Variants in RNF19A observed in about 807,000 individuals in gnomAD.
RNF19A encodes the protein ring finger protein 19A, RBR E3 ubiquitin protein ligase.
A neutral mutation model predicts 75.7 loss-of-function variants in RNF19A; 32 were observed. That is an observed-to-expected ratio of 0.42 (90% CI 0.32 to 0.57). The LOEUF is 0.57. RNF19A is among the 20% of genes least tolerant of loss of function. The probability of loss-of-function intolerance (pLI) is 0.10; values close to 1 mark genes in which losing one functional copy is unlikely to be tolerated. For synonymous variants in RNF19A, 335 were observed against 345.2 expected (o/e 0.97, Z 0.33); for missense variants, 782 against 1,036.3 (o/e 0.75, Z 3.37).
At position 100,269,011 on chromosome 8, in the gene RNF19A, T is replaced by G; in HGVS notation, c.1029-64A>C. On this transcript the variant is annotated intron_variant, in intron 4 of 9. Transcript: ENST00000341084. The surrounding 1 kb of genome is among the most constrained non-coding windows in gnomAD (Gnocchi z 5.7). ...ACACCACAATAACAAATTAGTGCAC[T>G]ATATTAAAACAATGACTATTTTTAA... The G allele has an allele frequency of 7.9e-7, 1 of 1,264,998 alleles. No individual in the cohort carries two copies. Among genetic ancestry groups the G allele is most frequent in the Non-Finnish European group, 1.1e-6 (1 of 922,034 alleles). The allele number at this position is 1,264,998 out of a possible 1,614,324, so 78.4% of individuals were successfully genotyped here. A position where few individuals can be genotyped will look rare whatever the true frequency, so the allele number is the denominator to read the frequency against.
At position 100,259,707 on chromosome 8, in the gene RNF19A, A is replaced by T. The variant is rs913456863; in HGVS notation, c.1826+147T>A. On this transcript the variant is annotated intron_variant, in intron 9 of 9. Transcript: ENST00000341084. The surrounding 1 kb of genome is among the most constrained non-coding windows in gnomAD (Gnocchi z 4.5). ...CAAATCCACTTTATGATCTATACAG[A>T]TTTGCCTACTCTGGACAGCTCACTG... The T allele has an allele frequency of 1.5e-5, 10 of 685,212 alleles. No homozygotes were observed. The highest frequency in any genetic ancestry group is 9.0e-5 in the Admixed American group (3 of 33,346). The allele number at this position is 685,212 out of a possible 1,614,324, so 42.4% of individuals were successfully genotyped here.
Position 100,287,928 on chromosome 8 carries a change from C to A in RNF19A, c.247G>T (p.Glu83Ter). ...RKKDNKRKSR[E>*]LNGGVDGIAS... is the part of the protein sequence containing the mutation. ...ATTCCATCCACCCCGCCATTTAGCT[C>A]CCTTGATTTACGTTTGTTATCTTTT... Residue 83 changes from glutamate (E) to a stop codon, truncating the protein, a stop_gained, in exon 2 of 10, where the codon GAG becomes TAG. Coordinates refer to ENST00000341084, the MANE Select transcript of RNF19A (RefSeq NM_183419.4). LOFTEE classifies it high-confidence loss of function. The surrounding 1 kb of genome is among the most constrained non-coding windows in gnomAD (Gnocchi z 4.1). 2 of 1,614,150 alleles carry A rather than the reference C, an allele frequency of 1.2e-6. No individual in the cohort carries two copies. The highest frequency in any genetic ancestry group is 1.7e-6 in the Non-Finnish European group (2 of 1,180,030).
chr8:100,261,519 C>G lies in RNF19A; in HGVS notation c.1682+23G>C. 2 of 1,605,088 alleles carry G rather than the reference C, an allele frequency of 1.2e-6. No individual in the cohort carries two copies. Among genetic ancestry groups the G allele is most frequent in the South Asian group, 1.1e-5 (1 of 90,884 alleles). On this transcript the variant is annotated intron_variant, in intron 8 of 9. Transcript: ENST00000341084. The surrounding 1 kb of genome is among the most constrained non-coding windows in gnomAD (Gnocchi z 4.4). ...AATTTGTAGTTACCAGAAAGCAGAA[C>G]CAAACCAAACCAAAACACACACCTG...
intron 2 of RNF19A, among the ~76,000 whole-genome samples, chr8:100,281,435 T>G (rs573602048): frequency 6.6e-6 from 1 of 152,328 alleles, no homozygotes; most frequent in African/African-American, 2.4e-5. Context: ...ATTTATAATA[T>G]CTCCTGGGAG....
At chr8:100,299,397 T>C (rs1461410573) in intron 1 of RNF19A, among the ~76,000 whole-genome samples, 2 of 152,240 alleles carry the variant, frequency 1.3e-5, no homozygotes, top group Non-Finnish European at 2.9e-5. Flanking sequence ...TCTTAGTAAA[T>C]TCAGTGTCAA....
At chr8:100,328,288 C>T (rs749713857) in intron 1 of RNF19A, among the ~76,000 whole-genome samples, 4 of 152,072 alleles carry the variant, frequency 2.6e-5, no homozygotes, top group East Asian at 1.9e-4. Flanking sequence ...GGGGCTGAGA[C>T]TCATTGAGTC....
chr8:100,305,011 C>T lies in RNF19A; in HGVS notation c.-94+4856G>A, dbSNP rs535975578. On this transcript the variant is annotated intron_variant, in intron 1 of 9. Coordinates refer to ENST00000341084, the MANE Select transcript of RNF19A (RefSeq NM_183419.4). ...AGTACAGTGGCACAATCTCAGCTCACTGCAACCTCTACCTCCCAAGTTCAA... is the reference window on the plus strand; with the variant it reads ...AGTACAGTGGCACAATCTCAGCTCATTGCAACCTCTACCTCCCAAGTTCAA... Among the ~76,000 whole-genome samples the T allele has an allele frequency of 2.4e-4, 36 of 152,364 alleles. 1 individual carries two copies. In the South Asian group the frequency reaches 7.0e-3, roughly 30 times the overall value.
At chr8:100,281,072 A>C (rs1020106411) in intron 2 of RNF19A, among the ~76,000 whole-genome samples, 2 of 152,218 alleles carry the variant, frequency 1.3e-5, no homozygotes, top group African/African-American at 4.8e-5. Flanking sequence ...TTTAGTGGTT[A>C]GCTCCATTTC....
At position 100,257,196 on chromosome 8, in the gene RNF19A, C is replaced by T. The variant is rs948688222; in HGVS notation, c.*1360G>A. On this transcript the variant is annotated 3_prime_UTR_variant, in exon 10 of 10. Transcript: ENST00000341084. Reference sequence around the variant, plus strand: ...AAATAACTGGCACTAGTGTTATAAGCATATTAATGGACCTGGTAGGGAAAA... The same window carrying T: ...AAATAACTGGCACTAGTGTTATAAGTATATTAATGGACCTGGTAGGGAAAA... 6.6e-6 allele frequency: 1 copy of T among 152,554 alleles called. No homozygotes were observed. The highest frequency in any genetic ancestry group is 1.9e-4 in the East Asian group (1 of 5,192). 9.5% of individuals were successfully genotyped at this position (152,554 alleles called of 1,614,324 possible).
intron 2 of RNF19A, among the ~76,000 whole-genome samples, chr8:100,286,818 T>C (rs1821042881): frequency 6.6e-6 from 1 of 152,240 alleles, no homozygotes; most frequent in African/African-American, 2.4e-5. Flanking sequence ...AGTATATGAC[T>C]ACTGTTTCCC....
intron 2 of RNF19A, among the ~76,000 whole-genome samples, chr8:100,283,808 T>A (rs896674370): frequency 2.6e-5 from 4 of 152,206 alleles, no homozygotes; most frequent in African/African-American, 9.7e-5. Context: ...AAGTGTGTTA[T>A]ATAATAAAAG....
intron 1 of RNF19A, among the ~76,000 whole-genome samples, chr8:100,308,747 G>A (rs1472185838): frequency 1.3e-5 from 2 of 151,942 alleles, no homozygotes; most frequent in Non-Finnish European, 2.9e-5. Flanking sequence ...TCAAAGGAAA[G>A]GGCTGCTTTA....
upstream of RNF19A, among the ~76,000 whole-genome samples, chr8:100,314,097 G>C (rs529499068): frequency 1.3e-5 from 2 of 151,834 alleles, no homozygotes; most frequent in East Asian, 3.9e-4. This position sits in a 1 kb window ranked among gnomAD's most constrained non-coding sequence, Gnocchi z 4.1. Flanking sequence ...GCTCAGGTGG[G>C]TCTTGAACTC....
At chr8:100,276,917 T>C (rs1403792252) in intron 2 of RNF19A, among the ~76,000 whole-genome samples, 1 of 152,074 alleles carries the variant, frequency 6.6e-6, no homozygotes, top group Non-Finnish European at 1.5e-5. Context: ...ATTGTGTCTA[T>C]GCCAATATCC....
At chr8:100,309,782 C>T in intron 1 of RNF19A, 85 bp downstream of exon 1, 6 of 985,494 alleles carry the variant, frequency 6.1e-6, no homozygotes, top group Non-Finnish European at 7.2e-6. Flanking sequence ...GGCTGCGGCC[C>T]GGCCAGAGCT....
At chr8:100,308,267 T>A (rs964199022) in intron 1 of RNF19A, among the ~76,000 whole-genome samples, 1 of 152,190 alleles carries the variant, frequency 6.6e-6, no homozygotes, top group Non-Finnish European at 1.5e-5. Context: ...TCAGTTAAAT[T>A]TTATACAGTA....
chr8:100,304,465 A>C (rs1821982236), intron 1 of RNF19A, among the ~76,000 whole-genome samples: 2 of 152,108 alleles, frequency 1.3e-5, no homozygotes, highest in South Asian at 4.1e-4. Context: ...TTCCCCACTT[A>C]CGCACTCACA....
At chr8:100,326,633 A>T (rs973602107) in intron 1 of RNF19A, among the ~76,000 whole-genome samples, 19 of 152,044 alleles carry the variant, frequency 1.2e-4, no homozygotes, top group Admixed American at 4.6e-4. Flanking sequence ...GTCCCATGCC[A>T]TCTCTCCCTG....
intron 1 of RNF19A, among the ~76,000 whole-genome samples, chr8:100,328,381 T>TTGTC (rs1822566890): frequency 6.6e-6 from 1 of 152,184 alleles, no homozygotes; most frequent in South Asian, 2.1e-4. Flanking sequence ...GTTCATTATG[T>TTGTC]TGTCTGTCAA....
Sources: allele counts gnomAD v4.1 joint callset (sites outside exome capture counted in the v4.1 genomes callset), GRCh38; gene constraint gnomAD v4.1.1; non-coding constraint Gnocchi (gnomAD v3.1); transcripts MANE v1.5; gene names NCBI Gene and HGNC (gene_info 2026-07-23, HGNC 2026-07-21).